Variants in EP400 observed in about 807,000 individuals in gnomAD.
EP400 encodes E1A binding protein p400.
A neutral mutation model predicts 354.1 loss-of-function variants in EP400; 105 were observed. The ratio of observed to expected loss-of-function variants is 0.30; its 90% confidence interval spans 0.25 to 0.35. EP400 has a LOEUF of 0.35. Among genes scored for constraint, EP400 ranks in the 10% least tolerant of loss-of-function variants. The probability of loss-of-function intolerance (pLI) is 1.00; values close to 1 mark genes in which losing one functional copy is unlikely to be tolerated. For missense variants in EP400, 3,280 were observed against 4,121.0 expected, an observed-to-expected ratio of 0.80 and a Z score of 5.59; for synonymous variants, 1,646 against 1,716.9, an observed-to-expected ratio of 0.96 and a Z score of 1.02.
chr12:131,956,439 A>T (rs1891702641), intron 1 of EP400, among the ~76,000 whole-genome samples: 2 of 152,160 alleles, frequency 1.3e-5, no homozygotes, highest in Non-Finnish European at 2.9e-5. Flanking sequence ...GAACTTCAAC[A>T]TTGGAAATTT....
Position 132,013,035 on chromosome 12 carries a change from C to T in EP400, c.3468C>T (p.His1156=), listed in dbSNP as rs751387703. The T allele has an allele frequency of 9.9e-6, 16 of 1,613,124 alleles. 1 individual carries two copies. In the South Asian group the frequency reaches 1.1e-4, roughly 11 times the overall value. ...RQEWAEPNSF[H]VCITSYTQFF... ...AGTGGGCCGAACCCAACAGCTTCCA[C>T]GTCTGCATCACGTCCTACACTCAGT... The change falls in exon 17 of 53, where the codon CAC becomes CAT. Residue 1156 remains histidine, a synonymous_variant. Transcript: ENST00000389561. This position sits in a 1 kb window ranked among gnomAD's most constrained non-coding sequence, Gnocchi z 4.5.
intron 1 of EP400, among the ~76,000 whole-genome samples, chr12:131,953,896 T>C (rs1406784068): frequency 1.3e-5 from 2 of 152,034 alleles, no homozygotes; most frequent in Non-Finnish European, 2.9e-5. Flanking sequence ...GTGGATCATA[T>C]GAGATCAGGA....
chr12:131,973,022 A>G (rs1380951012), intron 2 of EP400, among the ~76,000 whole-genome samples: 1 of 152,168 alleles, frequency 6.6e-6, no homozygotes, highest in African/African-American at 2.4e-5. Flanking sequence ...ATGAGCCACC[A>G]TGCCTGACTG....
intron 2 of EP400, among the ~76,000 whole-genome samples, chr12:131,977,794 T>G (rs566048879): frequency 5.3e-5 from 8 of 152,170 alleles, no homozygotes; most frequent in Non-Finnish European, 2.9e-5. Context: ...TGTGGCTGAT[T>G]TTTCCTTTTA....
In EP400 at chr12:132,024,057, C is replaced by T. The variant is rs1476889938; in HGVS notation, c.4855+116C>T. The T allele has an allele frequency of 6.1e-6, 7 of 1,152,810 alleles. No homozygotes were observed. The East Asian group carries it at 1.4e-4, about 24-fold the overall frequency. The allele number at this position is 1,152,810 out of a possible 1,614,324, so 71.4% of individuals were successfully genotyped here. On this transcript the variant is annotated intron_variant, in intron 24 of 52. Coordinates refer to ENST00000389561, the MANE Select transcript of EP400 (RefSeq NM_015409.5). The stretch of plus-strand genomic sequence containing the variant: ...TAAGTGTCAGGCTTTTCCCTGTGTC[C>T]GATGATGCATCTCACCTCATGGGTT...
chr12:132,045,707 C>T lies in EP400; in HGVS notation c.7027-20C>T. The stretch of plus-strand genomic sequence containing the variant: ...ACTTAGAGTGTATTCACCTGTTTTA[C>T]CTGAAATCTCCTTCTCTAGGCTGTA... On this transcript the variant is annotated intron_variant, in intron 38 of 52. Transcript: ENST00000389561. The T allele has an allele frequency of 6.2e-7, 1 of 1,613,574 alleles. No homozygotes were observed. The highest frequency in any genetic ancestry group is 8.5e-7 in the Non-Finnish European group (1 of 1,179,674).
rs1892860305 is a variant in EP400, at chr12:131,986,545, C to T, written c.1961C>T (p.Pro654Leu). ...MVASTRLPVD[P>L]APPCPRPLPT... ...GCATCGACAAGGCTCCCTGTGGACC[C>T]TGCCCCGCCCTGCCCACGGCCTCTG... Residue 654 changes from proline to leucine, a missense_variant, in exon 6 of 53, where the codon CCT becomes CTT. Transcript: ENST00000389561. 1 of 1,611,440 alleles carries T rather than the reference C, an allele frequency of 6.2e-7. No individual in the cohort carries two copies. The highest frequency in any genetic ancestry group is 1.3e-5 in the African/African-American group (1 of 74,910).
In EP400 at chr12:132,079,393, G is replaced by T. The variant is rs578094982; in HGVS notation, c.*1720G>T. Reference sequence around the variant, plus strand: ...CGTGCCGTGAGAGCGCAGCTTGCCGGAGGGAGGGCCGCTGTGTGCGCCTCA... The same window carrying T: ...CGTGCCGTGAGAGCGCAGCTTGCCGTAGGGAGGGCCGCTGTGTGCGCCTCA... On this transcript the variant is annotated 3_prime_UTR_variant, in exon 53 of 53. Coordinates refer to ENST00000389561, the MANE Select transcript of EP400 (RefSeq NM_015409.5). 1 of 152,406 alleles carries T rather than the reference G, an allele frequency of 6.6e-6. No homozygotes were observed. The highest frequency in any genetic ancestry group is 2.1e-4 in the South Asian group (1 of 4,830). 9.4% of individuals were successfully genotyped at this position (152,406 alleles called of 1,614,324 possible).
chr12:132,035,861 G>T (rs1400466885), intron 30 of EP400, among the ~76,000 whole-genome samples: 10 of 146,380 alleles, frequency 6.8e-5, no homozygotes, highest in Non-Finnish European at 1.3e-4. Flanking sequence ...GGGCATTGTG[G>T]AATGACACAC....
intron 7 of EP400, 152 bp downstream of exon 7, chr12:131,988,042 T>G: frequency 1.4e-6 from 1 of 708,292 alleles, no homozygotes; most frequent in Non-Finnish European, 2.1e-6. Context: ...TTGTCCAGGC[T>G]GGAATGTCCA....
chr12:132,061,409 G>C (rs1246531953), intron 45 of EP400, among the ~76,000 whole-genome samples: 2 of 152,254 alleles, frequency 1.3e-5, no homozygotes, highest in African/African-American at 4.8e-5. Flanking sequence ...TAAGCAATGA[G>C]ACATAAAAGG....
intron 37 of EP400, 120 bp downstream of exon 37, chr12:132,045,073 A>ATC: frequency 1.4e-6 from 2 of 1,441,326 alleles, no homozygotes; most frequent in East Asian, 4.8e-5. Context: ...AGGGCTAGCG[A>ATC]TCACACGCCC....
intron 23 of EP400, among the ~76,000 whole-genome samples, chr12:132,023,524 A>G (rs2136545879): frequency 6.6e-6 from 1 of 152,104 alleles, no homozygotes; most frequent in Non-Finnish European, 1.5e-5. Context: ...TAATAATATC[A>G]ATATCTGATA....
intron 15 of EP400, among the ~76,000 whole-genome samples, chr12:132,009,739 A>C (rs911628595): frequency 6.6e-6 from 1 of 151,704 alleles, no homozygotes; most frequent in Non-Finnish European, 1.5e-5. Context: ...GGCTCACTGC[A>C]GCCTCAGCCT....
At chr12:132,069,424 G>T in intron 50 of EP400, 71 bp from the exon 51 acceptor site, 1 of 1,571,322 alleles carries the variant, frequency 6.4e-7, no homozygotes. Context: ...AGGGCCCAGA[G>T]CGGGCAGGCG....
chr12:132,037,689 A>G lies in EP400; in HGVS notation c.5959A>G (p.Ser1987Gly). 6.2e-7 allele frequency: 1 copy of G among 1,613,998 alleles called. No individual in the cohort carries two copies. Among genetic ancestry groups the G allele is most frequent in the South Asian group, 1.1e-5 (1 of 91,078 alleles). Residue 1987 changes from serine (S) to glycine (G), a missense_variant, in exon 31 of 53, where the codon AGT becomes GGT. Around this residue, in one of 20 missense-constraint regions of EP400, gnomAD observed 459 missense variants for 496.9 expected, o/e 0.92. Coordinates refer to ENST00000389561, the MANE Select transcript of EP400 (RefSeq NM_015409.5). ...CKDIHIYRLV[S>G]GNSIEEKLLK... ...TACATCTTTTGTTTGCAGGCTTGTG[A>G]GTGGCAATTCCATTGAAGAGAAATT...
At position 132,045,393 on chromosome 12, in the gene EP400, C is replaced by A. The variant is rs1382091006; in HGVS notation, c.6859C>A (p.Pro2287Thr). ...PPRSLFDRATPGLLKIRREGK... is the reference protein window; with the variant it reads ...PPRSLFDRATTGLLKIRREGK... ...TCGGTCCCTGTTTGACCGCGCAACA[C>A]CAGGACTTCTGAAAATTCGCAGAGA... Residue 2287 changes from proline to threonine, a missense_variant, in exon 38 of 53, where the codon CCA becomes ACA. Around this residue, in one of 20 missense-constraint regions of EP400, gnomAD observed 231 missense variants for 257.9 expected, o/e 0.90. Coordinates refer to ENST00000389561, the MANE Select transcript of EP400 (RefSeq NM_015409.5). 35 of 1,614,126 alleles carry A rather than the reference C, an allele frequency of 2.2e-5. No individual in the cohort carries two copies. The highest frequency in any genetic ancestry group is 2.9e-5 in the Non-Finnish European group (34 of 1,180,062).
intron 34 of EP400, 55 bp from the exon 35 acceptor site, chr12:132,044,122 G>A: frequency 6.3e-7 from 1 of 1,599,266 alleles, no homozygotes; most frequent in Non-Finnish European, 8.5e-7. Context: ...GGGACTCGGG[G>A]GCTGCTCTGA....
chr12:132,077,660 C>T lies in EP400; in HGVS notation c.9359C>T (p.Pro3120Leu), dbSNP rs750365688. 1.2e-6 allele frequency: 2 copies of T among 1,609,082 alleles called. No homozygotes were observed. The highest frequency in any genetic ancestry group is 1.7e-6 in the Non-Finnish European group (2 of 1,177,324). The change falls in exon 53 of 53, where the codon CCT (proline) becomes CTT (leucine). Residue 3120 changes from proline (P) to leucine (L), a missense_variant. Around this residue, in one of 20 missense-constraint regions of EP400, gnomAD observed 279 missense variants for 386.7 expected, o/e 0.72. Coordinates refer to ENST00000389561, the MANE Select transcript of EP400 (RefSeq NM_015409.5). The stretch of plus-strand genomic sequence containing the variant: ...GTCAGGCTAAAGACACCTACTAAGC[C>T]TCCGTGCCAGTAGTCAGGGCAGCAG... ...PAVRLKTPTK[P>L]PCQ
Sources: gnomAD v4.1 joint callset for allele counts (sites outside exome capture counted in the v4.1 genomes callset) on GRCh38, gnomAD v4.1.1 for gene constraint, gnomAD v4.1.1 regional missense constraint, Gnocchi (gnomAD v3.1) non-coding constraint, MANE v1.5 for transcripts, NCBI Gene and HGNC (gene_info 2026-07-23, HGNC 2026-07-21) for gene names.